The following BORCS5 variants were observed in gnomAD, a reference collection of about 807,000 sequenced individuals.
BORCS5 encodes BLOC-1 related complex subunit 5.
In BORCS5, 17 loss-of-function variants were observed where a neutral mutation model predicts 22.1. The observed-to-expected ratio is 0.77, with a 90% CI of 0.53 to 1.15. BORCS5 has a LOEUF of 1.15. BORCS5 is among the 50% of genes most tolerant of loss of function. The pLI is 0.00. For synonymous variants in BORCS5, 117 were observed against 99.8 expected, an observed-to-expected ratio of 1.17 and a Z score of -1.03; for missense variants, 247 against 253.2, an observed-to-expected ratio of 0.98 and a Z score of 0.17.
At chr12:12,465,484 C>T (rs1943183495) in intron 3 of BORCS5, 62 bp from the exon 4 acceptor site, 4 of 1,442,826 alleles carry the variant, frequency 2.8e-6, no homozygotes, top group Non-Finnish European at 2.9e-6. Context: ...GGCTGGACAC[C>T]CGGCCCTGCG....
At chr12:12,457,559 C>T (rs1203410875) in intron 3 of BORCS5, among the ~76,000 whole-genome samples, 1 of 152,118 alleles carries the variant, frequency 6.6e-6, no homozygotes, top group Non-Finnish European at 1.5e-5. Flanking sequence ...GTCCCAGCTA[C>T]GCGGGAGGCT....
intron 2 of BORCS5, among the ~76,000 whole-genome samples, chr12:12,416,183 C>T (rs61913515): frequency 0.033 from 5,014 of 152,120 alleles, 115 homozygotes; most frequent in Middle Eastern, 0.071. Context: ...CACACTTTCT[C>T]GTTTTAGTAT....
intron 2 of BORCS5, among the ~76,000 whole-genome samples, chr12:12,418,239 C>T (rs1386146657): frequency 6.7e-6 from 1 of 150,038 alleles, no homozygotes; most frequent in Non-Finnish European, 1.5e-5. Context: ...TGGGGTTTCA[C>T]TGTGTTGCCA....
At chr12:12,419,288 T>C (rs1942053268) in intron 2 of BORCS5, among the ~76,000 whole-genome samples, 1 of 152,208 alleles carries the variant, frequency 6.6e-6, no homozygotes, top group African/African-American at 2.4e-5. Context: ...AGTGAGAACA[T>C]GCAGTGTTTG....
intron 2 of BORCS5, among the ~76,000 whole-genome samples, chr12:12,400,588 A>AG (rs1265762665): frequency 2.9e-5 from 3 of 101,706 alleles, no homozygotes; most frequent in African/African-American, 6.0e-5. Flanking sequence ...GTCAGCATAC[A>AG]GAAAAAAAAA....
Position 12,470,929 on chromosome 12 carries a change from C to T in BORCS5, c.*5153C>T, listed in dbSNP as rs2287205. 0.063 allele frequency among the ~76,000 whole-genome samples: 9,612 copies of T among 152,100 alleles called. 427 individuals are homozygous for T. The highest frequency in any genetic ancestry group is 0.17 in the East Asian group (890 of 5,170). On this transcript the variant is annotated 3_prime_UTR_variant, in exon 4 of 4. Transcript: ENST00000314565. ...TTACCGTTGACTCAATTTTCTTCACCAATCAAGGCTCATTCCTTGAGGCAT... is the reference window on the plus strand; with the variant it reads ...TTACCGTTGACTCAATTTTCTTCACTAATCAAGGCTCATTCCTTGAGGCAT...
chr12:12,401,632 G>A (rs899078450), intron 2 of BORCS5, among the ~76,000 whole-genome samples: 7 of 151,856 alleles, frequency 4.6e-5, no homozygotes, highest in African/African-American at 1.7e-4. Flanking sequence ...TTAATAACTT[G>A]CTATATTTTT....
At chr12:12,414,293 C>T (rs1300860603) in intron 2 of BORCS5, among the ~76,000 whole-genome samples, 2 of 62,310 alleles carry the variant, frequency 3.2e-5, no homozygotes, top group Admixed American at 1.2e-4. Flanking sequence ...CAGGCAGAGG[C>T]GCCCCTCACC....
In BORCS5 at chr12:12,361,212, C is replaced by G. The variant is rs1863276925; in HGVS notation, c.65C>G (p.Pro22Arg). The G allele has an allele frequency of 6.2e-7, 1 of 1,613,896 alleles. No homozygotes were observed. The highest frequency in any genetic ancestry group is 8.5e-7 in the Non-Finnish European group (1 of 1,179,820). ...RPNDLNSSVT[P>R]SPAKHRAKMD... ...AGTGTAACTTTATTTTCAGTGACTC[C>G]TTCACCAGCCAAGCATAGAGCCAAG... The change falls in exon 2 of 4, where the codon CCT (proline) becomes CGT (arginine). Residue 22 changes from proline (P) to arginine (R), a missense_variant. Coordinates refer to ENST00000314565, the MANE Select transcript of BORCS5 (RefSeq NM_058169.6).
At chr12:12,377,093 A>G (rs1348858095) in intron 2 of BORCS5, among the ~76,000 whole-genome samples, 1 of 152,166 alleles carries the variant, frequency 6.6e-6, no homozygotes, top group Non-Finnish European at 1.5e-5. Flanking sequence ...TTTTTTGGAG[A>G]GAAAACGATT....
intron 3 of BORCS5, chr12:12,452,293 T>C: frequency 7.8e-6 from 6 of 766,048 alleles, no homozygotes; most frequent in Non-Finnish European, 1.3e-5. Flanking sequence ...CCATTCATGT[T>C]TGTCTCCAAT....
At chr12:12,388,095 A>G (rs1863921941) in intron 2 of BORCS5, among the ~76,000 whole-genome samples, 1 of 151,394 alleles carries the variant, frequency 6.6e-6, no homozygotes, top group Admixed American at 6.6e-5. Flanking sequence ...AACATTTGTG[A>G]TTATTATATT....
At chr12:12,380,711 A>G (rs978113918) in intron 2 of BORCS5, among the ~76,000 whole-genome samples, 1 of 151,288 alleles carries the variant, frequency 6.6e-6, no homozygotes, top group Non-Finnish European at 1.5e-5. Context: ...CAAAATTACC[A>G]TTTTACATTC....
chr12:12,368,677 C>T (rs1044832912), intron 2 of BORCS5, among the ~76,000 whole-genome samples: 1 of 151,372 alleles, frequency 6.6e-6, no homozygotes, highest in Admixed American at 6.6e-5. Flanking sequence ...GCCCTGGGCT[C>T]AAGCAGACCT....
At chr12:12,455,472 TG>T (rs1243548368) in intron 3 of BORCS5, among the ~76,000 whole-genome samples, 1 of 152,128 alleles carries the variant, frequency 6.6e-6, no homozygotes, top group African/African-American at 2.4e-5. Flanking sequence ...GTGGGAAAGA[TG>T]AGTGACTTTT....
At chr12:12,374,063 C>A (rs1351929148) in intron 2 of BORCS5, among the ~76,000 whole-genome samples, 2 of 147,188 alleles carry the variant, frequency 1.4e-5, no homozygotes, top group African/African-American at 2.6e-5. Context: ...TCTCGGCTCA[C>A]TGCAAGCTCT....
intron 2 of BORCS5, among the ~76,000 whole-genome samples, chr12:12,418,300 A>G (rs1384983951): frequency 1.3e-5 from 2 of 151,834 alleles, no homozygotes; most frequent in South Asian, 2.1e-4. Flanking sequence ...GGCCTCCCAA[A>G]GTGCTGAGAT....
At chr12:12,464,794 G>A (rs1054200947) in intron 3 of BORCS5, among the ~76,000 whole-genome samples, 5 of 152,154 alleles carry the variant, frequency 3.3e-5, no homozygotes, top group African/African-American at 1.2e-4. Flanking sequence ...GGGCACATGA[G>A]ATAGTCCTCA....
chr12:12,368,013 T>C (rs759108531), intron 2 of BORCS5, among the ~76,000 whole-genome samples: 4 of 152,232 alleles, frequency 2.6e-5, no homozygotes, highest in Non-Finnish European at 5.9e-5. Context: ...CTGCCAAACT[T>C]ACTGACTCCA....
Sources: gnomAD v4.1 joint callset for allele counts (sites outside exome capture counted in the v4.1 genomes callset) on GRCh38, gnomAD v4.1.1 for gene constraint, MANE v1.5 for transcripts, NCBI Gene and HGNC (gene_info 2026-07-23, HGNC 2026-07-21) for gene names.